Variants in PTPRD observed in about 807,000 individuals in gnomAD.
PTPRD encodes protein tyrosine phosphatase receptor type D.
Under a neutral mutation model 214.5 loss-of-function variants are expected in PTPRD, and 34 were observed. The observed-to-expected ratio is 0.16, with a 90% CI of 0.12 to 0.21. PTPRD has a LOEUF of 0.21. Ranked by LOEUF, PTPRD falls within the 10% of genes least tolerant of loss-of-function variation. The pLI, the probability that PTPRD is intolerant of heterozygous loss-of-function variation, is 1.00. For missense variants in PTPRD, 2,545 were observed against 2,398.7 expected (o/e 1.06, Z -1.27); for synonymous variants, 1,128 against 845.7 (o/e 1.33, Z -5.79).
At chr9:9,728,323 T>A (rs2098127942) in intron 7 of PTPRD, among the ~76,000 whole-genome samples, 1 of 152,220 alleles carries the variant, frequency 6.6e-6, no homozygotes, top group South Asian at 2.1e-4. Flanking sequence ...AAATACTTTA[T>A]GAGTCATAAT....
Position 10,280,360 on chromosome 9 carries a change from CCACACACACACACACA to C in PTPRD, c.-545+60587_-545+60602del, listed in dbSNP as rs61249776. ...AGAAAAATATTTAAATACATAAACA[CCACACACACACACACA>C]CACACACACACACATGTGAGACATA... On this transcript the variant is annotated intron_variant, in intron 3 of 45. Coordinates refer to ENST00000381196, the MANE Select transcript of PTPRD (RefSeq NM_002839.4). 9.1e-4 allele frequency among the ~76,000 whole-genome samples: 132 copies of C among 144,818 alleles called. 1 individual carries two copies. Among genetic ancestry groups the C allele is most frequent in the African/African-American group, 3.3e-3 (126 of 38,736 alleles).
At chr9:10,381,967 A>G (rs1174296119) in intron 2 of PTPRD, among the ~76,000 whole-genome samples, 2 of 151,880 alleles carry the variant, frequency 1.3e-5, no homozygotes, top group Non-Finnish European at 2.9e-5. Flanking sequence ...TTTGTTTCTT[A>G]TAACAGAGAA....
chr9:8,680,957 G>A (rs2097538794), intron 12 of PTPRD, among the ~76,000 whole-genome samples: 1 of 152,112 alleles, frequency 6.6e-6, no homozygotes. Flanking sequence ...ATGGAGGATA[G>A]GAAAGGGAAG....
intron 3 of PTPRD, among the ~76,000 whole-genome samples, chr9:10,332,719 G>A (rs1444342986): frequency 6.6e-6 from 1 of 151,570 alleles, no homozygotes; most frequent in Non-Finnish European, 1.5e-5. Context: ...GTTTTTCAAG[G>A]TCACACAATT....
chr9:9,495,289 A>T (rs902183316), intron 8 of PTPRD, among the ~76,000 whole-genome samples: 1 of 150,602 alleles, frequency 6.6e-6, no homozygotes, highest in African/African-American at 2.4e-5. Flanking sequence ...ATGGGTACCC[A>T]GTAAAATCCC....
At chr9:10,488,305 T>G (rs1307934545) in intron 2 of PTPRD, among the ~76,000 whole-genome samples, 1 of 148,984 alleles carries the variant, frequency 6.7e-6, no homozygotes, top group Non-Finnish European at 1.5e-5. Context: ...AGGCGGAGCT[T>G]GCAGTGAGCC....
At chr9:9,638,617 A>G (rs1012826472) in intron 7 of PTPRD, among the ~76,000 whole-genome samples, 4 of 152,150 alleles carry the variant, frequency 2.6e-5, no homozygotes, top group East Asian at 1.9e-4. Flanking sequence ...TTCTTCCAGT[A>G]TTCATATCAA....
At chr9:10,251,534 T>C (rs992042435) in intron 3 of PTPRD, among the ~76,000 whole-genome samples, 11 of 152,140 alleles carry the variant, frequency 7.2e-5, no homozygotes, top group Non-Finnish European at 1.5e-4. Flanking sequence ...TCACAATGGA[T>C]AATACAATAA....
In PTPRD at chr9:8,323,774, G is replaced by C. The variant is rs10976952; in HGVS notation, c.5535-3808C>G. 2.4e-4 allele frequency among the ~76,000 whole-genome samples: 36 copies of C among 152,300 alleles called. No individual in the cohort carries two copies. In the East Asian group the frequency reaches 6.9e-3, roughly 29 times the overall value. On this transcript the variant is annotated intron_variant, in intron 44 of 45. Transcript: ENST00000381196. ...AAGATGCTGTGAACACTGTGGAAAT[G>C]ACAACAAAGGATTTAGAATAGTACA...
intron 3 of PTPRD, among the ~76,000 whole-genome samples, chr9:10,154,348 T>G (rs1456127777): frequency 6.6e-6 from 1 of 152,190 alleles, no homozygotes; most frequent in Non-Finnish European, 1.5e-5. Context: ...TTTAAGTTCT[T>G]TATAAATGCT....
At chr9:8,761,062 G>A (rs7871611) in intron 11 of PTPRD, among the ~76,000 whole-genome samples, 78 of 152,124 alleles carry the variant, frequency 5.1e-4, no homozygotes, top group African/African-American at 1.8e-3. Flanking sequence ...CATCTCATGT[G>A]TCAGCAGATG....
At chr9:8,482,002 C>T (rs544060912) in intron 30 of PTPRD, among the ~76,000 whole-genome samples, 2 of 151,964 alleles carry the variant, frequency 1.3e-5, no homozygotes, top group African/African-American at 2.4e-5. Flanking sequence ...AGTCTGGTCT[C>T]GAACTCCTGA....
intron 12 of PTPRD, among the ~76,000 whole-genome samples, chr9:8,694,483 G>C (rs2097866796): frequency 6.6e-6 from 1 of 152,082 alleles, no homozygotes; most frequent in Non-Finnish European, 1.5e-5. Context: ...CAGGGATTTG[G>C]TATTTTCCAT....
rs1489637282 is a variant in PTPRD at position 10,044,231 on chromosome 9, T to C, written c.-544-10441A>G. 5.9e-5 allele frequency among the ~76,000 whole-genome samples: 9 copies of C among 151,972 alleles called. No homozygotes were observed. In the South Asian group the frequency reaches 1.0e-3, roughly 18 times the overall value. On this transcript the variant is annotated intron_variant, in intron 3 of 45. Coordinates refer to ENST00000381196, the MANE Select transcript of PTPRD (RefSeq NM_002839.4). ...AACATGAGTAAGAGAATAAGGTCTA[T>C]GAGTTTTTCTCTAAAATAATACTTT... is the stretch of plus-strand genomic sequence containing the variant.
At chr9:8,986,938 T>C (rs559118623) in intron 11 of PTPRD, among the ~76,000 whole-genome samples, 1 of 152,234 alleles carries the variant, frequency 6.6e-6, no homozygotes, top group South Asian at 2.1e-4. Flanking sequence ...GGAGGCTGAA[T>C]ATTTTTATGT....
chr9:9,241,702 T>A (rs1162479513), intron 9 of PTPRD, among the ~76,000 whole-genome samples: 1 of 151,892 alleles, frequency 6.6e-6, no homozygotes, highest in Non-Finnish European at 1.5e-5. Context: ...GCTTGGTAGA[T>A]CTTCCTCCAA....
chr9:10,383,232 T>C (rs1296453358), intron 2 of PTPRD, among the ~76,000 whole-genome samples: 1 of 151,924 alleles, frequency 6.6e-6, no homozygotes, highest in African/African-American at 2.4e-5. Flanking sequence ...CAAACATTCT[T>C]ATCAGATAAA....
chr9:9,731,451 G>T (rs1477432404), intron 7 of PTPRD, among the ~76,000 whole-genome samples: 1 of 101,108 alleles, frequency 9.9e-6, no homozygotes, highest in Non-Finnish European at 1.9e-5. Flanking sequence ...TTCTAGAAAT[G>T]GAAATTTAAG....
intron 12 of PTPRD, among the ~76,000 whole-genome samples, chr9:8,646,784 C>A (rs775156022): frequency 6.6e-6 from 1 of 152,152 alleles, no homozygotes; most frequent in African/African-American, 2.4e-5. Flanking sequence ...ATTATACATG[C>A]CCCTGGTCAT....
Sources: allele counts gnomAD v4.1 joint callset (sites outside exome capture counted in the v4.1 genomes callset), GRCh38; gene constraint gnomAD v4.1.1; transcripts MANE v1.5; gene names NCBI Gene and HGNC (gene_info 2026-07-23, HGNC 2026-07-21).